The following PARP15 variants were observed in gnomAD, a reference collection of about 807,000 sequenced individuals.
The protein encoded by PARP15 is protein mono-ADP-ribosyltransferase PARP15.
A neutral mutation model predicts 62.1 loss-of-function variants in PARP15; 50 were observed. The observed-to-expected ratio is 0.81, with a 90% CI of 0.64 to 1.02. PARP15 has a LOEUF of 1.02. Among genes scored for constraint, PARP15 ranks in the 50% least tolerant of loss-of-function variants. The pLI, the probability that PARP15 is intolerant of heterozygous loss-of-function variation, is 0.00. For synonymous variants in PARP15, 309 were observed against 293.1 expected (o/e 1.05, Z -0.55); for missense variants, 820 against 826.5 (o/e 0.99, Z 0.10).
intron 1 of PARP15, among the ~76,000 whole-genome samples, chr3:122,601,035 G>GT (rs1559945121): frequency 9.5e-6 from 1 of 104,978 alleles, no homozygotes; most frequent in Non-Finnish European, 1.7e-5. Context: ...TGTCTTTTAT[G>GT]GTTTTTTTTT....
At chr3:122,615,699 T>A in intron 4 of PARP15, 80 bp from the exon 5 acceptor site, 1 of 1,600,742 alleles carries the variant, frequency 6.2e-7, no homozygotes, top group Non-Finnish European at 8.5e-7. Context: ...CTCTTTGATA[T>A]CTGATGATCA....
intron 1 of PARP15, among the ~76,000 whole-genome samples, chr3:122,591,714 C>T (rs1420021684): frequency 1.5e-5 from 2 of 131,436 alleles, no homozygotes; most frequent in Non-Finnish European, 3.1e-5. Context: ...TGAGCCGAGC[C>T]GAGATTGCTC....
chr3:122,632,059 T>C, intron 9 of PARP15, 27 bp from the exon 10 acceptor site: 2 of 1,613,844 alleles, frequency 1.2e-6, no homozygotes, highest in South Asian at 1.1e-5. Context: ...ATGAATGTTG[T>C]GTTTTGACCA....
chr3:122,635,817 C>G lies in PARP15; in HGVS notation c.1754C>G (p.Ser585Cys), dbSNP rs139489271. The G allele has an allele frequency of 5.6e-6, 9 of 1,612,662 alleles. No homozygotes were observed. The East Asian group carries it at 1.8e-4, about 32-fold the overall frequency. ...TTTGTCTTTCTCTTTCCAGCTGTATCCTATGGAAAAGGAACCTATTTTGCT... is the reference window on the plus strand; with the variant it reads ...TTTGTCTTTCTCTTTCCAGCTGTATGCTATGGAAAAGGAACCTATTTTGCT... The part of the protein sequence containing the change: ...NRSCAGKNAV[S>C]YGKGTYFAVD... Residue 585 changes from serine to cysteine, a missense_variant, in exon 12 of 12, where the codon TCC becomes TGC. Physicochemically the swap from Ser to Cys is moderately radical, Grantham distance 112. Transcript: ENST00000464300.
Position 122,577,795 on chromosome 3 carries a change from T to G in PARP15, c.128T>G (p.Leu43Arg). Residue 43 changes from leucine to arginine, a missense_variant, in exon 1 of 12, where the codon CTG (leucine) becomes CGG (arginine). This residue lies in a region of PARP15 where 731 missense variants were observed against 727.7 expected (regional missense o/e 1.00). Coordinates refer to ENST00000464300, the MANE Select transcript of PARP15 (RefSeq NM_001113523.3). ...AGRDREAGSV[L>R]PAGNRGARKA... Reference sequence around the variant, plus strand: ...CGAGATCGGGAGGCGGGGAGCGTGCTGCCGGCCGGGAACCGTGGGGCGCGG... The same window carrying G: ...CGAGATCGGGAGGCGGGGAGCGTGCGGCCGGCCGGGAACCGTGGGGCGCGG... 6.4e-7 allele frequency: 1 copy of G among 1,551,166 alleles called. No homozygotes were observed. Among genetic ancestry groups the G allele is most frequent in the Non-Finnish European group, 8.7e-7 (1 of 1,146,762 alleles).
At position 122,637,201 on chromosome 3, in the gene PARP15, A is replaced by G. The variant is rs2107617668; in HGVS notation, c.*1101A>G. Reference sequence around the variant, plus strand: ...ATATTAGCAGTGACAATGATGCTAGAGGTCACCTACCCCACTGTCCTCTTG... The same window carrying G: ...ATATTAGCAGTGACAATGATGCTAGGGGTCACCTACCCCACTGTCCTCTTG... On this transcript the variant is annotated 3_prime_UTR_variant, in exon 12 of 12. Transcript: ENST00000464300. 6.6e-6 allele frequency: 1 copy of G among 152,298 alleles called. No homozygotes were observed. Among genetic ancestry groups the G allele is most frequent in the Non-Finnish European group, 1.5e-5 (1 of 68,050 alleles). The allele number at this position is 152,298 out of a possible 1,614,324, so 9.4% of individuals were successfully genotyped here. A position where few individuals can be genotyped will look rare whatever the true frequency, so the allele number is the denominator to read the frequency against.
At chr3:122,599,183 A>G (rs893597729) in intron 1 of PARP15, among the ~76,000 whole-genome samples, 3 of 152,232 alleles carry the variant, frequency 2.0e-5, no homozygotes, top group Non-Finnish European at 1.5e-5. Flanking sequence ...GGCGTGAGCC[A>G]CCACACCCAG....
intron 8 of PARP15, among the ~76,000 whole-genome samples, chr3:122,625,946 T>G (rs548361213): frequency 9.9e-5 from 15 of 152,276 alleles, no homozygotes; most frequent in African/African-American, 3.6e-4. Context: ...CCAATGCCCA[T>G]CAGCTAAAGA....
intron 1 of PARP15, among the ~76,000 whole-genome samples, chr3:122,581,678 C>T (rs898642715): frequency 9.9e-5 from 15 of 152,162 alleles, no homozygotes; most frequent in Admixed American, 2.0e-4. Context: ...AATATTTTCT[C>T]CTGTTCTGTA....
chr3:122,578,669 A>T (rs2080736051), intron 1 of PARP15, among the ~76,000 whole-genome samples: 1 of 151,908 alleles, frequency 6.6e-6, no homozygotes, highest in Admixed American at 6.5e-5. Context: ...CTTCCTTGTC[A>T]CTATTTTCCT....
At chr3:122,623,572 A>G (rs1263888766) in intron 8 of PARP15, among the ~76,000 whole-genome samples, 1 of 152,156 alleles carries the variant, frequency 6.6e-6, no homozygotes, top group Non-Finnish European at 1.5e-5. Context: ...GAACCAACCA[A>G]TAATCGTAAG....
intron 1 of PARP15, among the ~76,000 whole-genome samples, chr3:122,581,557 T>G (rs1328528497): frequency 6.6e-6 from 1 of 152,196 alleles, no homozygotes. Context: ...TTCAGAGAAA[T>G]GTCTATTCAA....
chr3:122,578,741 A>G (rs2080737692), intron 1 of PARP15, among the ~76,000 whole-genome samples: 1 of 152,198 alleles, frequency 6.6e-6, no homozygotes, highest in Admixed American at 6.5e-5. Flanking sequence ...GTTTAAAAAA[A>G]AAAAAGAAAA....
intron 1 of PARP15, among the ~76,000 whole-genome samples, chr3:122,586,159 CAG>C (rs966261879): frequency 3.3e-5 from 5 of 152,100 alleles, no homozygotes; most frequent in African/African-American, 1.2e-4. Flanking sequence ...CCAACTTTCC[CAG>C]CAATATTTAT....
intron 7 of PARP15, among the ~76,000 whole-genome samples, chr3:122,620,078 C>T (rs906946485): frequency 1.4e-4 from 22 of 152,112 alleles, no homozygotes. Flanking sequence ...AGAACCCAGG[C>T]CTGGGTCCTA....
intron 2 of PARP15, among the ~76,000 whole-genome samples, chr3:122,607,055 A>G (rs2107526176): frequency 6.6e-6 from 1 of 152,042 alleles, no homozygotes; most frequent in Non-Finnish European, 1.5e-5. Context: ...TTGTCCTCAA[A>G]TCAGCAGGTT....
chr3:122,590,880 A>G (rs577403111), intron 1 of PARP15, among the ~76,000 whole-genome samples: 1 of 152,302 alleles, frequency 6.6e-6, no homozygotes, highest in South Asian at 2.1e-4. Context: ...CCCTTTTGTT[A>G]TGCACTAACA....
chr3:122,615,349 A>C (rs1000928785), intron 4 of PARP15: 1 of 1,292,812 alleles, frequency 7.7e-7, no homozygotes, highest in Non-Finnish European at 1.0e-6. Context: ...TCAACCCCAG[A>C]ATGTACCTAA....
At chr3:122,608,846 C>T (rs1165645613) in intron 2 of PARP15, among the ~76,000 whole-genome samples, 2 of 150,630 alleles carry the variant, frequency 1.3e-5, no homozygotes, top group African/African-American at 4.9e-5. Flanking sequence ...CGGTTCACTG[C>T]AGTCTCAACC....
Sources: gnomAD v4.1 joint callset for allele counts (sites outside exome capture counted in the v4.1 genomes callset) on GRCh38, gnomAD v4.1.1 for gene constraint, gnomAD v4.1.1 regional missense constraint, MANE v1.5 for transcripts, NCBI Gene and HGNC (gene_info 2026-07-23, HGNC 2026-07-21) for gene names.